The following SAMD12 variants were observed in gnomAD, a reference collection of about 807,000 sequenced individuals.
SAMD12 encodes the protein sterile alpha motif domain-containing protein 12.
A neutral mutation model predicts 15.0 loss-of-function variants in SAMD12; 9 were observed. The observed-to-expected ratio is 0.60, with a 90% CI of 0.36 to 1.05. The LOEUF is 1.05. SAMD12 is among the 50% of genes least tolerant of loss of function. The probability of loss-of-function intolerance (pLI) is 0.01; values close to 1 mark genes in which losing one functional copy is unlikely to be tolerated. For synonymous variants in SAMD12, 86 were observed against 90.1 expected (o/e 0.96, Z 0.25); for missense variants, 230 against 234.2 (o/e 0.98, Z 0.12).
At chr8:118,344,252 T>C (rs1403726533) in intron 4 of SAMD12, among the ~76,000 whole-genome samples, 2 of 152,214 alleles carry the variant, frequency 1.3e-5, no homozygotes, top group African/African-American at 2.4e-5. Flanking sequence ...AGTACAATGC[T>C]GGGACCTTGT....
the SAMD12 span, among the ~76,000 whole-genome samples, chr8:118,179,846 T>C: frequency 1.3e-5 from 2 of 152,226 alleles, no homozygotes; most frequent in African/African-American, 4.8e-5. Context: ...TGGATTACCC[T>C]TCATACCATC....
chr8:118,458,886 T>A (rs1389394695), intron 2 of SAMD12, among the ~76,000 whole-genome samples: 7 of 152,176 alleles, frequency 4.6e-5, no homozygotes, highest in Admixed American at 6.5e-5. Flanking sequence ...TTAATGTGCC[T>A]GACACTTAAT....
chr8:118,401,564 C>T (rs1586669811), intron 3 of SAMD12, among the ~76,000 whole-genome samples: 1 of 134,682 alleles, frequency 7.4e-6, no homozygotes, highest in African/African-American at 2.9e-5. Flanking sequence ...TTTGTATAAA[C>T]AGGGTCTCAC....
chr8:118,224,851 G>T (rs911674067), intron 4 of SAMD12, among the ~76,000 whole-genome samples: 1 of 152,190 alleles, frequency 6.6e-6, no homozygotes, highest in Non-Finnish European at 1.5e-5. Context: ...GTACATCACT[G>T]GCAGAATTGC....
chr8:118,161,460 G>A, the SAMD12 span, among the ~76,000 whole-genome samples: 3 of 151,844 alleles, frequency 2.0e-5, no homozygotes, highest in East Asian at 1.9e-4. Context: ...AATGCCTGAG[G>A]GTGAGGTGGG....
At chr8:118,591,610 G>A (rs1331271119) in intron 1 of SAMD12, among the ~76,000 whole-genome samples, 1 of 151,904 alleles carries the variant, frequency 6.6e-6, no homozygotes, top group Non-Finnish European at 1.5e-5. Context: ...GATAAATACA[G>A]TATAGACATA....
At chr8:118,425,772 C>CT (rs1563852637) in intron 3 of SAMD12, among the ~76,000 whole-genome samples, 1 of 152,052 alleles carries the variant, frequency 6.6e-6, no homozygotes, top group African/African-American at 2.4e-5. Context: ...AGATCAAGTC[C>CT]TTTGCTATAA....
At chr8:118,273,414 C>T (rs1813410869) in intron 4 of SAMD12, among the ~76,000 whole-genome samples, 2 of 152,142 alleles carry the variant, frequency 1.3e-5, no homozygotes, top group Non-Finnish European at 2.9e-5. Context: ...GGGACACGGC[C>T]AAACCATATC....
intron 2 of SAMD12, among the ~76,000 whole-genome samples, chr8:118,547,643 T>C (rs1355911463): frequency 1.3e-5 from 2 of 152,210 alleles, no homozygotes; most frequent in African/African-American, 4.8e-5. Context: ...TTTATGGGTT[T>C]CTTGAAAGGT....
the SAMD12 span, among the ~76,000 whole-genome samples, chr8:118,170,643 T>A: frequency 6.6e-6 from 1 of 152,168 alleles, no homozygotes. Context: ...AACAATAACA[T>A]GGGACTCTTG....
At chr8:118,278,047 C>T (rs1299448278) in intron 4 of SAMD12, among the ~76,000 whole-genome samples, 1 of 152,208 alleles carries the variant, frequency 6.6e-6, no homozygotes. Context: ...TGTGGGAAAA[C>T]ATAAACAGTG....
intron 2 of SAMD12, among the ~76,000 whole-genome samples, chr8:118,539,227 C>T (rs1482599846): frequency 6.6e-6 from 1 of 152,164 alleles, no homozygotes; most frequent in South Asian, 2.1e-4. Flanking sequence ...GATGGAATCA[C>T]GAAGTCCAGG....
exon 5 of SAMD12, chr8:118,195,864 T>A (rs1258596231): frequency 1.3e-5 from 2 of 152,262 alleles, no homozygotes. Context: ...CTGAACCACA[T>A]GAGATGGGCA....
intron 1 of SAMD12, among the ~76,000 whole-genome samples, chr8:118,610,810 A>G (rs1261433472): frequency 6.6e-6 from 1 of 152,232 alleles, no homozygotes; most frequent in Non-Finnish European, 1.5e-5. Flanking sequence ...GAAAATACAC[A>G]TAATTTCCAT....
chr8:118,200,850 G>T (rs193079545), intron 4 of SAMD12, among the ~76,000 whole-genome samples: 3 of 152,258 alleles, frequency 2.0e-5, no homozygotes, highest in Non-Finnish European at 2.9e-5. Flanking sequence ...ACAGGGTCTA[G>T]CTCTCATCGA....
the SAMD12 span, among the ~76,000 whole-genome samples, chr8:118,156,933 G>A: frequency 6.6e-6 from 1 of 152,062 alleles, no homozygotes; most frequent in African/African-American, 2.4e-5. Flanking sequence ...AATTACGCAG[G>A]GTCAGTATGA....
chr8:118,558,530 C>A (rs1826611190), intron 2 of SAMD12, among the ~76,000 whole-genome samples: 1 of 152,046 alleles, frequency 6.6e-6, no homozygotes, highest in Admixed American at 6.5e-5. Context: ...GAGACAGTGA[C>A]ACTGAGCTAA....
At chr8:118,184,175 A>T in the SAMD12 span, among the ~76,000 whole-genome samples, 13 of 152,330 alleles carry the variant, frequency 8.5e-5, no homozygotes, top group South Asian at 2.1e-4. Flanking sequence ...AATAAAAAAA[A>T]ATATATAAAA....
At chr8:118,274,040 G>C (rs1264793079) in intron 4 of SAMD12, among the ~76,000 whole-genome samples, 1 of 152,098 alleles carries the variant, frequency 6.6e-6, no homozygotes, top group African/African-American at 2.4e-5. Flanking sequence ...CTAAATTACA[G>C]GCTGATATCA....
Sources: allele counts gnomAD v4.1 joint callset (sites outside exome capture counted in the v4.1 genomes callset), GRCh38; gene constraint gnomAD v4.1.1; transcripts MANE v1.5; gene names NCBI Gene and HGNC (gene_info 2026-07-23, HGNC 2026-07-21).